The following PLD5 variants were observed in gnomAD, a reference collection of about 807,000 sequenced individuals.
PLD5 encodes phospholipase D family member 5, also known as inactive phospholipase D5.
PLD5 carries 36 observed loss-of-function variants against 61.1 expected under a neutral mutation model. That is an observed-to-expected ratio of 0.59 (90% CI 0.45 to 0.78). The LOEUF is 0.78. Among genes scored for constraint, PLD5 ranks in the 30% least tolerant of loss-of-function variants. The pLI is 0.00. For missense variants in PLD5, 515 were observed against 644.4 expected (o/e 0.80, Z 2.17); for synonymous variants, 243 against 242.8 (o/e 1.00, Z -0.01).
intron 3 of PLD5, among the ~76,000 whole-genome samples, chr1:242,266,893 C>G (rs1368999725): frequency 6.6e-6 from 1 of 151,990 alleles, no homozygotes; most frequent in Non-Finnish European, 1.5e-5. Context: ...GAGGCGGGCA[C>G]AACACCTGAG....
intron 5 of PLD5, among the ~76,000 whole-genome samples, chr1:242,140,083 C>T (rs1221607711): frequency 2.0e-5 from 3 of 152,168 alleles, no homozygotes; most frequent in African/African-American, 7.2e-5. Context: ...GGAAAACAAC[C>T]TATTCCATGG....
rs767044955 is a variant in PLD5 at position 242,089,871 on chromosome 1, C to T, written c.1594G>A (p.Asp532Asn). ...KTATDDTGGKDPRNV is the reference protein window; with the variant it reads ...KTATDDTGGKNPRNV ...TCATCATGTTATACGTTCCGGGGATCCTTTCCGCCTGTGTCGTCTGTGGCA... is the reference window on the plus strand; with the variant it reads ...TCATCATGTTATACGTTCCGGGGATTCTTTCCGCCTGTGTCGTCTGTGGCA... The change falls in exon 10 of 10, where the codon GAT (aspartate) becomes AAT (asparagine). Residue 532 changes from aspartate (D) to asparagine (N), a missense_variant. This residue lies in a region of PLD5 where 450 missense variants were observed against 598.1 expected (regional missense o/e 0.75). Transcript: ENST00000536534. The T allele has an allele frequency of 2.1e-5, 34 of 1,614,068 alleles. 1 individual carries two copies. The South Asian group carries it at 3.6e-4, about 17-fold the overall frequency.
intron 1 of PLD5, among the ~76,000 whole-genome samples, chr1:242,398,346 A>T (rs542047344): frequency 6.6e-6 from 1 of 152,322 alleles, no homozygotes; most frequent in East Asian, 1.9e-4. Context: ...TCGCTGTTCA[A>T]TCAAAAATCT....
chr1:242,516,386 G>A (rs1021472886), intron 1 of PLD5, among the ~76,000 whole-genome samples: 2 of 150,964 alleles, frequency 1.3e-5, no homozygotes, highest in Admixed American at 6.6e-5. Context: ...TAATAAATTG[G>A]GATTATTAAA....
intron 2 of PLD5, among the ~76,000 whole-genome samples, chr1:242,296,519 C>A (rs922073962): frequency 6.6e-6 from 1 of 152,162 alleles, no homozygotes; most frequent in Admixed American, 6.5e-5. Flanking sequence ...GAAGGTGACT[C>A]GCTACCTATG....
intron 1 of PLD5, among the ~76,000 whole-genome samples, chr1:242,410,651 T>C (rs1388842173): frequency 6.6e-6 from 1 of 152,136 alleles, no homozygotes; most frequent in Admixed American, 6.5e-5. Context: ...CTGATCCAGA[T>C]GCCTGTGATG....
intron 4 of PLD5, among the ~76,000 whole-genome samples, chr1:242,248,492 A>G (rs1036004548): frequency 1.1e-4 from 16 of 145,758 alleles, no homozygotes; most frequent in Non-Finnish European, 1.7e-4. Context: ...AAAAAAAAAA[A>G]GAATAGCCAA....
chr1:242,091,824 C>CTTTTTTTTCTTTTTTTTTTT (rs11371948), intron 9 of PLD5, among the ~76,000 whole-genome samples: 1 of 144,602 alleles, frequency 6.9e-6, no homozygotes, highest in African/African-American at 2.6e-5. Flanking sequence ...CTTTTCTTTT[C>CTTTTTTTTCTTTTTTTTTTT]TTTTTTTCTT....
chr1:242,216,120 G>T (rs1164463013), intron 5 of PLD5, among the ~76,000 whole-genome samples: 1 of 152,168 alleles, frequency 6.6e-6, no homozygotes, highest in Non-Finnish European at 1.5e-5. Context: ...GATTGGAAAA[G>T]AATGTTGCTA....
At chr1:242,377,247 G>C in intron 1 of PLD5, 1 of 1,610,942 alleles carries the variant, frequency 6.2e-7, no homozygotes, top group Non-Finnish European at 8.5e-7. Context: ...TTTGTGCTGA[G>C]GGACGTGTTC....
intron 5 of PLD5, chr1:242,188,599 G>T (rs1038626842): frequency 6.6e-6 from 1 of 152,238 alleles, no homozygotes; most frequent in Non-Finnish European, 1.5e-5. Flanking sequence ...GGTGGTCTCC[G>T]AGGATGACGA....
At chr1:242,332,231 G>T (rs572282021) in intron 2 of PLD5, among the ~76,000 whole-genome samples, 2 of 152,164 alleles carry the variant, frequency 1.3e-5, no homozygotes, top group Admixed American at 1.3e-4. Flanking sequence ...CCTTTTTATG[G>T]CTGCATAGTA....
chr1:242,310,022 A>C (rs1676605806), intron 2 of PLD5, among the ~76,000 whole-genome samples: 2 of 147,682 alleles, frequency 1.4e-5, no homozygotes, highest in South Asian at 4.4e-4. Flanking sequence ...TAAATGCCAA[A>C]GCTTACTTGG....
intron 1 of PLD5, among the ~76,000 whole-genome samples, chr1:242,483,662 T>C (rs1667861458): frequency 6.6e-6 from 1 of 151,818 alleles, no homozygotes; most frequent in Admixed American, 6.6e-5. Context: ...AGACTGAAAG[T>C]TAACAAGAAT....
chr1:242,454,835 G>A (rs1488539764), intron 1 of PLD5, among the ~76,000 whole-genome samples: 3 of 152,098 alleles, frequency 2.0e-5, no homozygotes, highest in Admixed American at 1.3e-4. Context: ...AGAGCTGACC[G>A]GATGCCCTGA....
rs139286557 is a variant in PLD5 at position 242,328,251 on chromosome 1, CAT to C, written c.326+19853_326+19854del. 9.3e-5 allele frequency among the ~76,000 whole-genome samples: 14 copies of C among 151,190 alleles called. No individual in the cohort carries two copies. The South Asian group carries it at 1.7e-3, about 18-fold the overall frequency. On this transcript the variant is annotated intron_variant, in intron 2 of 9. Coordinates refer to ENST00000536534, the MANE Select transcript of PLD5 (RefSeq NM_001372062.1). Reference sequence around the variant, plus strand: ...ACCATTTCTAGATTATCAAGATGAACATATATATATATACACACACATATATA... The same window carrying C: ...ACCATTTCTAGATTATCAAGATGAACATATATATATACACACACATATATA...
chr1:242,136,416 TC>T (rs1343300164), intron 5 of PLD5, among the ~76,000 whole-genome samples: 2 of 152,198 alleles, frequency 1.3e-5, no homozygotes, highest in Non-Finnish European at 2.9e-5. Context: ...GTCGTATTTT[TC>T]ATTTTAGTAT....
At chr1:242,377,149 T>G in intron 1 of PLD5, 1 of 1,611,674 alleles carries the variant, frequency 6.2e-7, no homozygotes. Context: ...TCCTTTAACT[T>G]GTGTACGATG....
intron 5 of PLD5, among the ~76,000 whole-genome samples, chr1:242,169,318 C>T (rs961404417): frequency 6.6e-6 from 1 of 152,140 alleles, no homozygotes; most frequent in African/African-American, 2.4e-5. Flanking sequence ...GGTGTCACCT[C>T]ACCTGGGAAG....
Sources: allele counts gnomAD v4.1 joint callset (sites outside exome capture counted in the v4.1 genomes callset), GRCh38; gene constraint gnomAD v4.1.1; regional missense constraint gnomAD v4.1.1; transcripts MANE v1.5; gene names NCBI Gene and HGNC (gene_info 2026-07-23, HGNC 2026-07-21).